Variants in MGST1 observed in about 807,000 individuals in gnomAD.
MGST1 encodes glutathione S-transferase 12.
A neutral mutation model predicts 8.9 loss-of-function variants in MGST1; 5 were observed. The ratio of observed to expected loss-of-function variants is 0.56; its 90% confidence interval spans 0.29 to 1.19. The LOEUF is 1.19. Ranked by LOEUF, MGST1 falls within the 50% of genes most tolerant of loss-of-function variation. The pLI, the probability that MGST1 is intolerant of heterozygous loss-of-function variation, is 0.08. For missense variants in MGST1, 182 were observed against 187.4 expected, an observed-to-expected ratio of 0.97 and a Z score of 0.17; for synonymous variants, 54 against 67.8, an observed-to-expected ratio of 0.80 and a Z score of 1.00.
In MGST1 at chr12:16,584,491, A is replaced by C. The variant is rs1380106183; in HGVS notation, n.483-5037A>C. 6.6e-6 allele frequency among the ~76,000 whole-genome samples: 1 copy of C among 152,184 alleles called. No homozygotes were observed. The highest frequency in any genetic ancestry group is 1.5e-5 in the Non-Finnish European group (1 of 68,034). ...AGGTTTCTGGAGGACCCAGTGGAAA[A>C]GTGTTGAGTGAACGTAACAGCAGAA... On this transcript the variant is annotated intron_variant and non_coding_transcript_variant, in intron 4 of 4. Transcript: ENST00000538857. The surrounding 1 kb of genome is among the most constrained non-coding windows in gnomAD (Gnocchi z 5.2).
At chr12:16,466,758 C>G (rs1941257983) in intron 4 of MGST1, among the ~76,000 whole-genome samples, 1 of 152,138 alleles carries the variant, frequency 6.6e-6, no homozygotes, top group Non-Finnish European at 1.5e-5. Flanking sequence ...AATTAACTCT[C>G]TATTTTCTTT....
chr12:16,435,115 C>G (rs1940972897), intron 1 of MGST1, among the ~76,000 whole-genome samples: 1 of 151,840 alleles, frequency 6.6e-6, no homozygotes, highest in Non-Finnish European at 1.5e-5. Context: ...TGCCAATGTA[C>G]CAGGCTTTCT....
Position 16,566,996 on chromosome 12 carries a change from A to G in MGST1, n.483-22532A>G, listed in dbSNP as rs1382848091. Among the ~76,000 whole-genome samples, 7 of 152,192 alleles carry G rather than the reference A, an allele frequency of 4.6e-5. No homozygotes were observed. The South Asian group carries it at 1.2e-3, about 27-fold the overall frequency. ...TGGCACTTGAGGTCAGGAGTTCGGG[A>G]CCAGCCTGGCCAATATGGCAAAACC... On this transcript the variant is annotated intron_variant and non_coding_transcript_variant, in intron 4 of 4. Coordinates refer to the MGST1 transcript ENST00000538857.
Position 16,560,276 on chromosome 12 carries a change from T to G in MGST1, n.483-29252T>G. 1.1e-6 allele frequency: 1 copy of G among 877,834 alleles called. No individual in the cohort carries two copies. Among genetic ancestry groups the G allele is most frequent in the South Asian group, 2.5e-5 (1 of 40,662 alleles). The allele number at this position is 877,834 out of a possible 1,614,324, so 54.4% of individuals were successfully genotyped here. On this transcript the variant is annotated intron_variant and non_coding_transcript_variant, in intron 4 of 4. Transcript: ENST00000538857. The surrounding 1 kb of genome is among the most constrained non-coding windows in gnomAD (Gnocchi z 5.0). ...TCTCCTTAGTAGCTTGTCTCTGGCATGGGATTAAAGTTTACAGAACAGAAA... is the reference window on the plus strand; with the variant it reads ...TCTCCTTAGTAGCTTGTCTCTGGCAGGGGATTAAAGTTTACAGAACAGAAA...
intron 1 of MGST1, among the ~76,000 whole-genome samples, chr12:16,425,957 G>C (rs1261998050): frequency 2.0e-5 from 3 of 152,104 alleles, no homozygotes; most frequent in Non-Finnish European, 4.4e-5. Context: ...TCCATTCCAT[G>C]TTTTCTGTCA....
rs1052814502 is a variant in MGST1 at position 16,584,876 on chromosome 12, C to T, written n.483-4652C>T. Among the ~76,000 whole-genome samples, 7 of 152,018 alleles carry T rather than the reference C, an allele frequency of 4.6e-5. No individual in the cohort carries two copies. The highest frequency in any genetic ancestry group is 4.1e-4 in the South Asian group (2 of 4,824). On this transcript the variant is annotated intron_variant and non_coding_transcript_variant, in intron 4 of 4. Transcript: ENST00000538857. The surrounding 1 kb of genome is among the most constrained non-coding windows in gnomAD (Gnocchi z 5.2). ...ATCCTCTCTTCAAGAATTCAGGATGCGAGGAAATATTTTCAAACACCTTAG... is the reference window on the plus strand; with the variant it reads ...ATCCTCTCTTCAAGAATTCAGGATGTGAGGAAATATTTTCAAACACCTTAG...
At chr12:16,457,068 C>G (rs1291425026) in intron 4 of MGST1, among the ~76,000 whole-genome samples, 1 of 151,934 alleles carries the variant, frequency 6.6e-6, no homozygotes, top group Non-Finnish European at 1.5e-5. Context: ...AGAATTTGGA[C>G]CATCCTTTTA....
At chr12:16,486,719 G>C (rs80173638) in intron 4 of MGST1, among the ~76,000 whole-genome samples, 1 of 152,262 alleles carries the variant, frequency 6.6e-6, no homozygotes, top group East Asian at 1.9e-4. Context: ...TGCTTAATAC[G>C]ATCAGTCCTG....
chr12:16,564,150 T>C (rs1942504325), intron 4 of MGST1, among the ~76,000 whole-genome samples: 1 of 152,152 alleles, frequency 6.6e-6, no homozygotes, highest in South Asian at 2.1e-4. Flanking sequence ...ATTTTGTCTA[T>C]CTAAAAACAG....
downstream of MGST1, among the ~76,000 whole-genome samples, chr12:16,381,743 G>A (rs1940455427): frequency 6.6e-6 from 1 of 152,100 alleles, no homozygotes; most frequent in African/African-American, 2.4e-5. Flanking sequence ...TTCCACCTTG[G>A]TTCCATTCTC....
At chr12:16,575,918 T>C (rs914592225) in intron 4 of MGST1, among the ~76,000 whole-genome samples, 3 of 152,152 alleles carry the variant, frequency 2.0e-5, no homozygotes, top group African/African-American at 2.4e-5. Flanking sequence ...CCATGTTCAA[T>C]GCACGTAGAA....
At chr12:16,415,094 G>C (rs12828508) in intron 1 of MGST1, among the ~76,000 whole-genome samples, 51,265 of 151,930 alleles carry the variant, frequency 0.34, 8,741 homozygotes, top group East Asian at 0.4. Flanking sequence ...CCTATGTAAG[G>C]GACTGGAACA....
intron 4 of MGST1, among the ~76,000 whole-genome samples, chr12:16,514,682 C>G (rs1236398820): frequency 6.6e-6 from 1 of 152,204 alleles, no homozygotes; most frequent in East Asian, 1.9e-4. Context: ...GTCCCTGGTG[C>G]AAGGAACCAG....
intron 4 of MGST1, among the ~76,000 whole-genome samples, chr12:16,533,627 T>G (rs568377231): frequency 3.3e-5 from 5 of 152,102 alleles, no homozygotes; most frequent in Non-Finnish European, 4.4e-5. Context: ...ATTGTCCAAC[T>G]GATTGATTGA....
intron 4 of MGST1, among the ~76,000 whole-genome samples, chr12:16,523,234 G>A (rs1216941396): frequency 2.0e-5 from 3 of 152,068 alleles, no homozygotes; most frequent in East Asian, 3.9e-4. Context: ...CTGCTATCAC[G>A]AAAAGAGCCC....
chr12:16,430,532 A>G (rs1329013966), intron 1 of MGST1, among the ~76,000 whole-genome samples: 4 of 152,310 alleles, frequency 2.6e-5, no homozygotes, highest in Middle Eastern at 6.8e-3. Context: ...GCAGGCATGA[A>G]AACACTAATC....
intron 1 of MGST1, among the ~76,000 whole-genome samples, chr12:16,349,530 C>T (rs992794130): frequency 2.6e-5 from 4 of 152,008 alleles, no homozygotes; most frequent in African/African-American, 7.2e-5. Flanking sequence ...GAATTTGGGT[C>T]ATATTACTCA....
At chr12:16,523,996 A>T (rs555607637) in intron 4 of MGST1, among the ~76,000 whole-genome samples, 1 of 152,090 alleles carries the variant, frequency 6.6e-6, no homozygotes, top group Non-Finnish European at 1.5e-5. Context: ...CTAAGTTACA[A>T]TTTCTTCCCA....
At chr12:16,581,530 T>C (rs1245703300) in intron 4 of MGST1, among the ~76,000 whole-genome samples, 1 of 152,240 alleles carries the variant, frequency 6.6e-6, no homozygotes, top group Non-Finnish European at 1.5e-5. Flanking sequence ...CCTCAGTTCC[T>C]ATAACACTAC....
Sources: gnomAD v4.1 joint callset for allele counts (sites outside exome capture counted in the v4.1 genomes callset) on GRCh38, gnomAD v4.1.1 for gene constraint, Gnocchi (gnomAD v3.1) non-coding constraint, MANE v1.5 for transcripts, NCBI Gene and HGNC (gene_info 2026-07-23, HGNC 2026-07-21) for gene names.